ADAMTS12: variants seen among roughly 807,000 people sequenced by gnomAD.
ADAMTS12 encodes A disintegrin and metalloproteinase with thrombospondin motifs 12.
In ADAMTS12, 118 loss-of-function variants were observed where a neutral mutation model predicts 167.8. The ratio of observed to expected loss-of-function variants is 0.70; its 90% CI spans 0.61 to 0.82. The LOEUF (loss-of-function observed/expected upper bound fraction) is 0.82, where lower values mean the gene tolerates loss of function less well. Ranked by LOEUF, ADAMTS12 falls within the 40% of genes least tolerant of loss-of-function variation. The probability of loss-of-function intolerance (pLI) is 0.00; values close to 1 mark genes in which losing one functional copy is unlikely to be tolerated. For synonymous variants in ADAMTS12, 704 were observed against 716.9 expected, an observed-to-expected ratio of 0.98 and a Z score of 0.29; for missense variants, 1,916 against 1,998.8, an observed-to-expected ratio of 0.96 and a Z score of 0.79.
intron 19 of ADAMTS12, among the ~76,000 whole-genome samples, chr5:33,574,906 T>C (rs1458691845): frequency 6.6e-6 from 1 of 152,228 alleles, no homozygotes; most frequent in Non-Finnish European, 1.5e-5. Flanking sequence ...GCTGAATGAT[T>C]TGAACATGTG....
intron 2 of ADAMTS12, among the ~76,000 whole-genome samples, chr5:33,866,767 T>C (rs1305885940): frequency 6.6e-6 from 1 of 151,502 alleles, no homozygotes; most frequent in Non-Finnish European, 1.5e-5. Flanking sequence ...GATAACCCCA[T>C]CTAAAAGTGG....
chr5:33,792,961 T>C (rs563642426), intron 2 of ADAMTS12, among the ~76,000 whole-genome samples: 2 of 152,320 alleles, frequency 1.3e-5, no homozygotes, highest in Admixed American at 1.3e-4. Context: ...CTGTTGTCTC[T>C]TTCCCATAGC....
chr5:33,632,728 A>G (rs989910585), intron 12 of ADAMTS12, among the ~76,000 whole-genome samples: 2 of 152,190 alleles, frequency 1.3e-5, no homozygotes, highest in African/African-American at 4.8e-5. Context: ...GCTGAATCCA[A>G]GGATTATTTT....
At chr5:33,877,868 T>C (rs1245909530) in intron 2 of ADAMTS12, among the ~76,000 whole-genome samples, 2 of 152,030 alleles carry the variant, frequency 1.3e-5, no homozygotes, top group Non-Finnish European at 2.9e-5. Context: ...TCCAAGAGCC[T>C]CCAACATCTC....
intron 2 of ADAMTS12, among the ~76,000 whole-genome samples, chr5:33,830,275 T>A (rs1275035384): frequency 6.6e-6 from 1 of 151,952 alleles, no homozygotes; most frequent in African/African-American, 2.4e-5. Flanking sequence ...AGAGGTGATA[T>A]GAGGAGAAAA....
intron 2 of ADAMTS12, among the ~76,000 whole-genome samples, chr5:33,832,166 A>G (rs1344611231): frequency 6.6e-6 from 1 of 152,216 alleles, no homozygotes; most frequent in Admixed American, 6.5e-5. Flanking sequence ...TTGATTTCCA[A>G]AGAAAAACCT....
At chr5:33,792,406 C>T (rs1472227273) in intron 2 of ADAMTS12, among the ~76,000 whole-genome samples, 1 of 152,246 alleles carries the variant, frequency 6.6e-6, no homozygotes, top group Non-Finnish European at 1.5e-5. Context: ...CCTACTTCAT[C>T]CAGTGCCCAT....
intron 2 of ADAMTS12, among the ~76,000 whole-genome samples, chr5:33,833,987 C>G (rs77371652): frequency 6.6e-6 from 1 of 152,052 alleles, no homozygotes; most frequent in Non-Finnish European, 1.5e-5. Context: ...GGCTGGAAAT[C>G]CAAGATCAAA....
chr5:33,821,179 A>T (rs1291914470), intron 2 of ADAMTS12, among the ~76,000 whole-genome samples: 3 of 152,194 alleles, frequency 2.0e-5, no homozygotes, highest in Non-Finnish European at 4.4e-5. Context: ...ACCAGTAATG[A>T]CCATTAATGA....
intron 2 of ADAMTS12, among the ~76,000 whole-genome samples, chr5:33,805,302 T>A (rs1228232799): frequency 6.6e-6 from 1 of 152,136 alleles, no homozygotes; most frequent in African/African-American, 2.4e-5. Flanking sequence ...TTGGTGAAAG[T>A]AGGGTCTTGT....
At chr5:33,729,205 T>C (rs1469420635) in intron 3 of ADAMTS12, among the ~76,000 whole-genome samples, 1 of 152,178 alleles carries the variant, frequency 6.6e-6, no homozygotes, top group Non-Finnish European at 1.5e-5. Context: ...TTTGAGTGAA[T>C]AGCAATTCAT....
rs1363706192 is a variant in ADAMTS12 at position 33,672,065 on chromosome 5, A to G, written c.916-10025T>C. On this transcript the variant is annotated intron_variant, in intron 5 of 23. Coordinates refer to ENST00000504830, the MANE Select transcript of ADAMTS12 (RefSeq NM_030955.4). ...CATACTCACATACACACTCACATAC[A>G]TACAAACCCACATACATACACACAC... Among the ~76,000 whole-genome samples, 3 of 141,650 alleles carry G rather than the reference A, an allele frequency of 2.1e-5. No individual in the cohort carries two copies. The East Asian group carries it at 6.4e-4, about 30-fold the overall frequency. The allele number at this position is 141,650 out of a possible 152,430, so 92.9% of individuals were successfully genotyped here.
chr5:33,635,397 G>A (rs755308095), intron 12 of ADAMTS12, among the ~76,000 whole-genome samples: 9 of 152,236 alleles, frequency 5.9e-5, no homozygotes, highest in Non-Finnish European at 8.8e-5. Flanking sequence ...GTGTGTTTTC[G>A]TGCTTAATGA....
intron 12 of ADAMTS12, among the ~76,000 whole-genome samples, chr5:33,636,959 T>G (rs1740227927): frequency 2.0e-5 from 3 of 152,312 alleles, no homozygotes; most frequent in Admixed American, 2.0e-4. Flanking sequence ...ATTTTACTTT[T>G]CACCCTTCTC....
At chr5:33,761,285 AG>A (rs1745346977) in intron 2 of ADAMTS12, among the ~76,000 whole-genome samples, 1 of 152,232 alleles carries the variant, frequency 6.6e-6, no homozygotes, top group African/African-American at 2.4e-5. Flanking sequence ...ATCCCTGATG[AG>A]GGAGTGCTCC....
chr5:33,573,216 C>A (rs1286769017), intron 19 of ADAMTS12, among the ~76,000 whole-genome samples: 1 of 151,756 alleles, frequency 6.6e-6, no homozygotes, highest in African/African-American at 2.4e-5. Context: ...ATCAAGCTAC[C>A]AATGACTTTC....
chr5:33,818,233 T>C (rs1320529595), intron 2 of ADAMTS12, among the ~76,000 whole-genome samples: 1 of 152,078 alleles, frequency 6.6e-6, no homozygotes, highest in Non-Finnish European at 1.5e-5. Flanking sequence ...ATCTTATATA[T>C]TTGCTGTTTT....
At chr5:33,743,948 C>T (rs560918073) in intron 3 of ADAMTS12, among the ~76,000 whole-genome samples, 1 of 152,280 alleles carries the variant, frequency 6.6e-6, no homozygotes, top group East Asian at 1.9e-4. Flanking sequence ...AGATCATACA[C>T]TGAATTTCTC....
chr5:33,660,483 C>T (rs1279754406), intron 6 of ADAMTS12, among the ~76,000 whole-genome samples: 1 of 152,180 alleles, frequency 6.6e-6, no homozygotes, highest in Non-Finnish European at 1.5e-5. Context: ...TCAAACATTT[C>T]ACACATGTAA....
Sources: allele counts gnomAD v4.1 joint callset (sites outside exome capture counted in the v4.1 genomes callset), GRCh38; gene constraint gnomAD v4.1.1; transcripts MANE v1.5; gene names NCBI Gene and HGNC (gene_info 2026-07-23, HGNC 2026-07-21).